DNM3: variants seen among roughly 807,000 people sequenced by gnomAD.
The protein encoded by DNM3 is dynamin 3.
DNM3 carries 47 observed loss-of-function variants against 101.6 expected under a neutral mutation model. The observed-to-expected ratio is 0.46, with a 90% confidence interval of 0.37 to 0.59. DNM3 has a LOEUF of 0.59. Ranked by LOEUF, DNM3 falls within the 20% of genes least tolerant of loss-of-function variation. DNM3 has a pLI of 0.00. For missense variants in DNM3, 849 were observed against 1,085.7 expected (o/e 0.78, Z 3.06); for synonymous variants, 385 against 387.9 (o/e 0.99, Z 0.09).
chr1:171,895,806 A>G (rs2037736637), intron 1 of DNM3, among the ~76,000 whole-genome samples: 2 of 152,172 alleles, frequency 1.3e-5, no homozygotes, highest in Admixed American at 6.5e-5. Context: ...ATCTTGAATT[A>G]ATTTTTGTAT....
rs2071200867 is a variant in DNM3, at chr1:172,411,513, A to C, written c.*3672A>C. The C allele has an allele frequency of 2.0e-6, 2 of 983,518 alleles. No individual in the cohort carries two copies. Among genetic ancestry groups the C allele is most frequent in the Admixed American group, 1.2e-4 (2 of 16,064 alleles). 60.9% of individuals were successfully genotyped at this position (983,518 alleles called of 1,614,324 possible). On this transcript the variant is annotated 3_prime_UTR_variant, in exon 21 of 21. Transcript: ENST00000627582. The stretch of plus-strand genomic sequence containing the variant: ...CTTAAAAAGCCAAGTTGATATACAT[A>C]GTCATTTTTCCTCTATGGTAGAAGT...
chr1:172,163,560 A>G (rs2058630467), intron 14 of DNM3, among the ~76,000 whole-genome samples: 2 of 152,062 alleles, frequency 1.3e-5, no homozygotes, highest in South Asian at 2.1e-4. Context: ...TATAGTCACC[A>G]TGCTGTACAG....
At chr1:172,011,150 C>G (rs1295018076) in intron 4 of DNM3, among the ~76,000 whole-genome samples, 1 of 151,776 alleles carries the variant, frequency 6.6e-6, no homozygotes, top group African/African-American at 2.4e-5. Flanking sequence ...TTACTGATAT[C>G]AACCTTTCTG....
At chr1:172,055,580 G>A (rs2050540434) in intron 10 of DNM3, among the ~76,000 whole-genome samples, 1 of 152,046 alleles carries the variant, frequency 6.6e-6, no homozygotes, top group Non-Finnish European at 1.5e-5. Flanking sequence ...AGTTCCATGA[G>A]AATAAGAACT....
At chr1:172,402,314 A>G (rs909251948) in intron 20 of DNM3, among the ~76,000 whole-genome samples, 7 of 152,140 alleles carry the variant, frequency 4.6e-5, no homozygotes, top group African/African-American at 1.4e-4. Context: ...AGGGTGGGCA[A>G]GTTGATATCA....
At chr1:171,869,293 A>T (rs2035058027) in intron 1 of DNM3, among the ~76,000 whole-genome samples, 1 of 151,972 alleles carries the variant, frequency 6.6e-6, no homozygotes, top group Non-Finnish European at 1.5e-5. Context: ...TGCCCTCCCC[A>T]TCTGGTGCTG....
Position 172,412,326 on chromosome 1 carries a change from G to T in DNM3, c.*4485G>T, listed in dbSNP as rs1051527593. On this transcript the variant is annotated 3_prime_UTR_variant, in exon 21 of 21. Transcript: ENST00000627582. Reference sequence around the variant, plus strand: ...CACTTGCCTTGTCTGCTACCAGTTTGTTAAAAATTATTCCCCCCAACCAGT... The same window carrying T: ...CACTTGCCTTGTCTGCTACCAGTTTTTTAAAAATTATTCCCCCCAACCAGT... 269 of 985,362 alleles carry T rather than the reference G, an allele frequency of 2.7e-4. 1 individual carries two copies. The highest frequency in any genetic ancestry group is 7.0e-5 in the African/African-American group (4 of 57,208). The allele number at this position is 985,362 out of a possible 1,614,324, so 61.0% of individuals were successfully genotyped here. A position where few individuals can be genotyped will look rare whatever the true frequency, so the allele number is the denominator to read the frequency against.
intron 1 of DNM3, among the ~76,000 whole-genome samples, chr1:171,920,576 A>T (rs1220027997): frequency 2.0e-5 from 3 of 152,166 alleles, no homozygotes; most frequent in African/African-American, 7.2e-5. Context: ...CACTGAGTGA[A>T]AAGTTTATTT....
In DNM3 at chr1:172,063,308, A is replaced by G. The variant is rs144421513; in HGVS notation, c.1336-5511A>G. 6.9e-3 allele frequency among the ~76,000 whole-genome samples: 1,048 copies of G among 151,954 alleles called. 20 individuals are homozygous for G. The highest frequency in any genetic ancestry group is 0.024 in the African/African-American group (987 of 41,478). The stretch of plus-strand genomic sequence containing the variant: ...TAGCGTAGATCTTATGGTCTGATAA[A>G]CTGTTAATACATTTTGGAAGTGTAT... On this transcript the variant is annotated intron_variant, in intron 10 of 20. Transcript: ENST00000627582.
intron 17 of DNM3, among the ~76,000 whole-genome samples, chr1:172,377,485 ATTTC>A (rs2068661027): frequency 6.7e-6 from 1 of 149,482 alleles, no homozygotes; most frequent in Admixed American, 6.7e-5. Flanking sequence ...GGAGGCTTAT[ATTTC>A]TTTATATAGA....
intron 1 of DNM3, among the ~76,000 whole-genome samples, chr1:171,866,882 G>T (rs2034805277): frequency 6.6e-6 from 1 of 152,126 alleles, no homozygotes; most frequent in Admixed American, 6.5e-5. Flanking sequence ...TGTGTACCTG[G>T]TGAATGTGCT....
rs778568684 is a variant in DNM3, at chr1:172,387,379, C to T, written c.2285+20C>T. On this transcript the variant is annotated intron_variant, in intron 19 of 20. Coordinates refer to ENST00000627582, the MANE Select transcript of DNM3 (RefSeq NM_015569.5). ...TCGCAGGTAAGAAGATGGCCCCGGC[C>T]GGGTGCGGTGGCTCGCTCCTGTAAT... is the stretch of plus-strand genomic sequence containing the variant. 3.4e-5 allele frequency: 55 copies of T among 1,596,896 alleles called. No individual in the cohort carries two copies. Among genetic ancestry groups the T allele is most frequent in the East Asian group, 9.0e-5 (4 of 44,302 alleles).
intron 1 of DNM3, among the ~76,000 whole-genome samples, chr1:171,918,987 C>T (rs2039941094): frequency 6.6e-6 from 1 of 152,036 alleles, no homozygotes. Context: ...TCTGTCCTTT[C>T]TTCTCTGCCT....
At chr1:172,134,444 A>G (rs562728969) in intron 14 of DNM3, among the ~76,000 whole-genome samples, 77 of 152,294 alleles carry the variant, frequency 5.1e-4, no homozygotes, top group Non-Finnish European at 8.1e-4. Flanking sequence ...TTCACTGAGC[A>G]CATTATTTAC....
intron 14 of DNM3, chr1:172,144,743 CTG>C (rs1382756552): frequency 3.5e-5 from 13 of 373,852 alleles, no homozygotes; most frequent in African/African-American, 1.9e-4. Flanking sequence ...GCTGCGCTGA[CTG>C]AGACACACTC....
At chr1:171,896,720 A>G (rs149043643) in intron 1 of DNM3, among the ~76,000 whole-genome samples, 75 of 152,332 alleles carry the variant, frequency 4.9e-4, no homozygotes, top group African/African-American at 1.7e-3. Context: ...TAAATAAACT[A>G]TGACAAAACA....
intron 14 of DNM3, among the ~76,000 whole-genome samples, chr1:172,188,974 AAG>A (rs58569324): frequency 0.49 from 74,196 of 151,716 alleles, 19,828 homozygotes; most frequent in African/African-American, 0.71. Flanking sequence ...GTTATTTTGT[AAG>A]AGTTTCATAA....
intron 15 of DNM3, among the ~76,000 whole-genome samples, chr1:172,278,881 T>C (rs1404530804): frequency 6.6e-6 from 1 of 152,170 alleles, no homozygotes; most frequent in Non-Finnish European, 1.5e-5. Flanking sequence ...TAGTTTCTAT[T>C]ATCACTGCGA....
chr1:171,904,658 C>A (rs1192771222), intron 1 of DNM3, among the ~76,000 whole-genome samples: 1 of 152,066 alleles, frequency 6.6e-6, no homozygotes, highest in East Asian at 1.9e-4. Context: ...TCAAAGATGG[C>A]CTGTTTTTTT....
Sources: allele counts gnomAD v4.1 joint callset (sites outside exome capture counted in the v4.1 genomes callset), GRCh38; gene constraint gnomAD v4.1.1; transcripts MANE v1.5; gene names NCBI Gene and HGNC (gene_info 2026-07-23, HGNC 2026-07-21).